KCNIP4: variants seen among roughly 807,000 people sequenced by gnomAD.
KCNIP4 encodes the protein Kv channel-interacting protein 4.
A neutral mutation model predicts 34.0 loss-of-function variants in KCNIP4; 12 were observed. The ratio of observed to expected loss-of-function variants is 0.35; its 90% CI spans 0.23 to 0.57. The LOEUF is 0.57. KCNIP4 is among the 20% of genes least tolerant of loss of function. KCNIP4 has a pLI of 0.83. For synonymous variants in KCNIP4, 124 were observed against 102.2 expected, an observed-to-expected ratio of 1.21 and a Z score of -1.29; for missense variants, 238 against 311.7, an observed-to-expected ratio of 0.76 and a Z score of 1.78.
intron 1 of KCNIP4, among the ~76,000 whole-genome samples, chr4:21,182,331 G>A (rs1270836420): frequency 6.6e-6 from 1 of 152,064 alleles, no homozygotes; most frequent in African/African-American, 2.4e-5. Flanking sequence ...AATTAGAATA[G>A]GTCTCTTCAG....
At chr4:21,585,797 A>G (rs73252282) in intron 1 of KCNIP4, among the ~76,000 whole-genome samples, 9,927 of 152,106 alleles carry the variant, frequency 0.065, 474 homozygotes, top group African/African-American at 0.13. Context: ...GGGTGTTGGA[A>G]GGAAAACAAA....
At chr4:20,946,538 A>G (rs755001324) in intron 1 of KCNIP4, among the ~76,000 whole-genome samples, 13 of 152,210 alleles carry the variant, frequency 8.5e-5, no homozygotes, top group Admixed American at 2.6e-4. Flanking sequence ...TGCTAGCTCA[A>G]CTAGTGATCC....
At chr4:21,669,552 G>A (rs948160783) in intron 1 of KCNIP4, among the ~76,000 whole-genome samples, 1 of 152,138 alleles carries the variant, frequency 6.6e-6, no homozygotes, top group African/African-American at 2.4e-5. Context: ...TTAAGTTTGG[G>A]GGAGTCAAAA....
intron 1 of KCNIP4, among the ~76,000 whole-genome samples, chr4:21,249,213 T>C (rs1441789023): frequency 2.0e-5 from 3 of 152,014 alleles, no homozygotes; most frequent in Admixed American, 6.6e-5. Context: ...TAAAGATAGA[T>C]ATACAAACAT....
At chr4:21,122,771 T>C (rs144834002) in intron 1 of KCNIP4, among the ~76,000 whole-genome samples, 197 of 152,318 alleles carry the variant, frequency 1.3e-3, no homozygotes, top group Middle Eastern at 3.4e-3. Context: ...CAACTTTAAG[T>C]TGATTCTAGG....
chr4:21,363,483 A>C (rs1214730029), intron 1 of KCNIP4, among the ~76,000 whole-genome samples: 1 of 152,160 alleles, frequency 6.6e-6, no homozygotes, highest in Non-Finnish European at 1.5e-5. Flanking sequence ...AACTGCATCA[A>C]CATTAGGGAA....
At chr4:21,629,783 C>T (rs758453200) in intron 1 of KCNIP4, among the ~76,000 whole-genome samples, 11 of 150,954 alleles carry the variant, frequency 7.3e-5, no homozygotes, top group African/African-American at 1.5e-4. Context: ...TATTCTTGGG[C>T]GATTTCTACA....
chr4:21,692,084 A>C (rs185558105), intron 1 of KCNIP4, among the ~76,000 whole-genome samples: 1 of 152,266 alleles, frequency 6.6e-6, no homozygotes, highest in East Asian at 1.9e-4. Flanking sequence ...TCAACAAGTG[A>C]GTTTTAAGAG....
chr4:20,824,798 C>T (rs1299872349), intron 3 of KCNIP4, among the ~76,000 whole-genome samples: 2 of 147,794 alleles, frequency 1.4e-5, no homozygotes, highest in African/African-American at 5.0e-5. Context: ...AAGGATTGTC[C>T]CATGTAACTG....
intron 1 of KCNIP4, among the ~76,000 whole-genome samples, chr4:20,934,089 A>AAAATT (rs142677249): frequency 0.011 from 1,727 of 152,312 alleles, 23 homozygotes; most frequent in African/African-American, 0.038. Context: ...ATAAATAGCA[A>AAAATT]AAATTATAGA....
intron 1 of KCNIP4, among the ~76,000 whole-genome samples, chr4:21,210,660 T>C (rs1033712238): frequency 4.0e-5 from 6 of 151,784 alleles, no homozygotes; most frequent in African/African-American, 1.4e-4. Flanking sequence ...TTTATATTAC[T>C]ATAAAAATTT....
chr4:21,899,541 A>C (rs1727590302), intron 1 of KCNIP4, among the ~76,000 whole-genome samples: 1 of 148,566 alleles, frequency 6.7e-6, no homozygotes, highest in Non-Finnish European at 1.5e-5. Context: ...AAAAACCCTA[A>C]GGACTCCATC....
intron 1 of KCNIP4, among the ~76,000 whole-genome samples, chr4:21,408,345 T>C (rs942779697): frequency 6.6e-6 from 1 of 152,128 alleles, no homozygotes; most frequent in East Asian, 1.9e-4. Flanking sequence ...ATCAGGAGAA[T>C]GTTCAAAGAG....
At chr4:21,422,588 C>T (rs1453273038) in intron 1 of KCNIP4, among the ~76,000 whole-genome samples, 1 of 151,750 alleles carries the variant, frequency 6.6e-6, no homozygotes, top group East Asian at 1.9e-4. Context: ...GGGGGTGATG[C>T]TTCAAGTGAG....
At chr4:21,405,051 T>C (rs947798783) in intron 1 of KCNIP4, among the ~76,000 whole-genome samples, 9 of 152,126 alleles carry the variant, frequency 5.9e-5, no homozygotes, top group Non-Finnish European at 1.0e-4. Context: ...CATCTGATCA[T>C]CCCCTCAATA....
chr4:21,389,248 C>T (rs146421523), intron 1 of KCNIP4, among the ~76,000 whole-genome samples: 4 of 151,856 alleles, frequency 2.6e-5, no homozygotes, highest in East Asian at 3.9e-4. Context: ...CCCAAAGTGC[C>T]GGGATTACAA....
chr4:21,270,550 C>T (rs1248926376), intron 1 of KCNIP4, among the ~76,000 whole-genome samples: 1 of 152,150 alleles, frequency 6.6e-6, no homozygotes, highest in Non-Finnish European at 1.5e-5. Flanking sequence ...AGTTATTATG[C>T]ACATGATAAT....
intron 1 of KCNIP4, among the ~76,000 whole-genome samples, chr4:21,181,779 C>A (rs1466939123): frequency 6.6e-6 from 1 of 152,094 alleles, no homozygotes; most frequent in Non-Finnish European, 1.5e-5. Flanking sequence ...ACTACAGATA[C>A]TGTAATTCTT....
intron 1 of KCNIP4, among the ~76,000 whole-genome samples, chr4:21,835,077 A>G (rs13109215): frequency 0.38 from 57,276 of 151,920 alleles, 11,898 homozygotes; most frequent in East Asian, 0.65. Context: ...GTCTCTGCCC[A>G]GCTTGAATTA....
Sources: gnomAD v4.1 joint callset for allele counts (sites outside exome capture counted in the v4.1 genomes callset) on GRCh38, gnomAD v4.1.1 for gene constraint, MANE v1.5 for transcripts, NCBI Gene and HGNC (gene_info 2026-07-23, HGNC 2026-07-21) for gene names.